The following ATF7IP2 variants were observed in gnomAD, a reference collection of about 807,000 sequenced individuals.
The protein encoded by ATF7IP2 is activating transcription factor 7-interacting protein 2.
In ATF7IP2, 42 loss-of-function variants were observed where a neutral mutation model predicts 64.2. The observed-to-expected ratio is 0.65, with a 90% CI of 0.51 to 0.85. ATF7IP2 has a LOEUF of 0.85. ATF7IP2 is among the 40% of genes least tolerant of loss of function. The pLI is 0.00. For synonymous variants in ATF7IP2, 308 were observed against 272.8 expected (o/e 1.13, Z -1.27); for missense variants, 933 against 784.2 (o/e 1.19, Z -2.27).
chr16:10,389,433 C>G (rs367637480), intron 1 of ATF7IP2, among the ~76,000 whole-genome samples: 7 of 152,156 alleles, frequency 4.6e-5, no homozygotes, highest in African/African-American at 1.4e-4. Context: ...TATAGGAAAT[C>G]TAGCTAATTA....
intron 1 of ATF7IP2, among the ~76,000 whole-genome samples, chr16:10,414,160 A>G (rs1425701448): frequency 6.6e-6 from 1 of 152,126 alleles, no homozygotes; most frequent in Admixed American, 6.6e-5. Flanking sequence ...TTCCTTGACT[A>G]TTCTCCCAAA....
chr16:10,409,457 T>C (rs2047707479), intron 1 of ATF7IP2, among the ~76,000 whole-genome samples: 1 of 151,854 alleles, frequency 6.6e-6, no homozygotes, highest in Non-Finnish European at 1.5e-5. Context: ...CTTCTAGAAT[T>C]TTTATAGTTT....
intron 3 of ATF7IP2, among the ~76,000 whole-genome samples, chr16:10,419,855 C>G (rs2141838948): frequency 6.6e-6 from 1 of 152,294 alleles, no homozygotes; most frequent in East Asian, 1.9e-4. Context: ...TACCTGTTTC[C>G]CAATTTTTGT....
chr16:10,389,872 C>T (rs2047287377), intron 1 of ATF7IP2, among the ~76,000 whole-genome samples: 1 of 152,220 alleles, frequency 6.6e-6, no homozygotes, highest in African/African-American at 2.4e-5. Context: ...ATGAGATTAA[C>T]TGCCACCTGG....
At chr16:10,392,759 CAGG>C (rs771540305) in intron 1 of ATF7IP2, among the ~76,000 whole-genome samples, 12 of 150,522 alleles carry the variant, frequency 8.0e-5, no homozygotes, top group Admixed American at 4.6e-4. Flanking sequence ...GAGGCCAATG[CAGG>C]AGGATTTCTT....
rs144458887 is a variant in ATF7IP2, at chr16:10,460,412, C to T, written c.1352+2883C>T. Among the ~76,000 whole-genome samples, 389 of 152,176 alleles carry T rather than the reference C, an allele frequency of 2.6e-3. No homozygotes were observed. In the Middle Eastern group the frequency reaches 0.027, roughly 11 times the overall value. On this transcript the variant is annotated intron_variant, in intron 9 of 13. Transcript: ENST00000562102. ...TGCAATGGGTTCAGAGGTCAAGATA[C>T]TCTTTAATTAGTGAAACAAAATGGA...
intron 3 of ATF7IP2, among the ~76,000 whole-genome samples, chr16:10,421,875 A>G (rs751485590): frequency 1.3e-4 from 20 of 152,254 alleles, no homozygotes; most frequent in Non-Finnish European, 2.4e-4. Flanking sequence ...TGTTTACCGC[A>G]GGAATTGTAA....
At position 10,438,198 on chromosome 16, in the gene ATF7IP2, G is replaced by A; in HGVS notation, c.1058G>A (p.Cys353Tyr). 3 of 1,602,810 alleles carry A rather than the reference G, an allele frequency of 1.9e-6. No individual in the cohort carries two copies. The highest frequency in any genetic ancestry group is 2.2e-5 in the South Asian group (2 of 88,898). Residue 353 changes from cysteine to tyrosine, a missense_variant, in exon 7 of 14, where the codon TGC (cysteine) becomes TAC (tyrosine). Physicochemically the swap from Cys to Tyr is radical, Grantham distance 194. Coordinates refer to ENST00000562102, the MANE Select transcript of ATF7IP2 (RefSeq NM_001393719.1). ...AACCAACGCATTGGGAAGACAGAGT[G>A]CAGAAATAAGCATGAAGGAATAGCT... ...ELNQRIGKTE[C>Y]RNKHEGIADK...
rs771786614 is a variant in ATF7IP2, at chr16:10,431,376, T to A, written c.756T>A (p.Asp252Glu). ...GTGCTGATGACATTTTGAAAACTGATGAGTGTAGTAGAACCAGTATTTCAA... is the reference window on the plus strand; with the variant it reads ...GTGCTGATGACATTTTGAAAACTGAAGAGTGTAGTAGAACCAGTATTTCAA... Reference protein sequence around the residue: ...NNCADDILKTDECSRTSISNC... With the variant: ...NNCADDILKTEECSRTSISNC... Residue 252 changes from aspartate to glutamate, a missense_variant, in exon 5 of 14, where the codon GAT (aspartate) becomes GAA (glutamate). Transcript: ENST00000562102. The A allele has an allele frequency of 9.3e-6, 15 of 1,614,196 alleles. No individual in the cohort carries two copies. The highest frequency in any genetic ancestry group is 1.2e-5 in the Non-Finnish European group (14 of 1,180,008).
In ATF7IP2 at chr16:10,431,441, A is replaced by G. The variant is rs1303399225; in HGVS notation, c.821A>G (p.Asp274Gly). The G allele has an allele frequency of 2.5e-6, 4 of 1,593,510 alleles. No individual in the cohort carries two copies. The African/African-American group carries it at 5.4e-5, about 21-fold the overall frequency. ...GACTCAACATGGCAGTCATCACTTG[A>G]CACTAATAACAACAGTAAGTATATA... ...SADSTWQSSL[D>G]TNNNSHYQKK... Residue 274 changes from aspartate (D) to glycine (G), a missense_variant, in exon 5 of 14, where the codon GAC (aspartate) becomes GGC (glycine). By Grantham distance (94) the Asp-to-Gly change is moderately conservative. Transcript: ENST00000562102.
chr16:10,401,576 T>A (rs1395721575), intron 1 of ATF7IP2, among the ~76,000 whole-genome samples: 1 of 152,172 alleles, frequency 6.6e-6, no homozygotes, highest in African/African-American at 2.4e-5. Flanking sequence ...TTTTGCTGTG[T>A]CCTTGCTTGG....
intron 1 of ATF7IP2, among the ~76,000 whole-genome samples, chr16:10,404,635 C>A (rs1370436805): frequency 6.6e-6 from 1 of 152,198 alleles, no homozygotes; most frequent in African/African-American, 2.4e-5. Flanking sequence ...CCTCCACCTC[C>A]AGGTTTAAGC....
intron 12 of ATF7IP2, among the ~76,000 whole-genome samples, chr16:10,479,546 A>G (rs1055084857): frequency 7.9e-5 from 12 of 152,080 alleles, no homozygotes; most frequent in Non-Finnish European, 1.6e-4. Context: ...GATATACCTA[A>G]TGCTAAATGA....
At chr16:10,450,911 A>G (rs941668025) in intron 8 of ATF7IP2, among the ~76,000 whole-genome samples, 1 of 152,086 alleles carries the variant, frequency 6.6e-6, no homozygotes, top group African/African-American at 2.4e-5. Context: ...TCACAGTGTC[A>G]ATGGTCTTTA....
intron 1 of ATF7IP2, among the ~76,000 whole-genome samples, chr16:10,393,869 T>C (rs1264491753): frequency 6.6e-6 from 1 of 152,104 alleles, no homozygotes; most frequent in Non-Finnish European, 1.5e-5. Flanking sequence ...AGTAAGACCT[T>C]GTCTCTACAA....
At chr16:10,408,019 C>G (rs1044456285) in intron 1 of ATF7IP2, among the ~76,000 whole-genome samples, 1 of 151,828 alleles carries the variant, frequency 6.6e-6, no homozygotes, top group Non-Finnish European at 1.5e-5. Flanking sequence ...TCAAGCGATT[C>G]TCCAGCCTCA....
intron 1 of ATF7IP2, among the ~76,000 whole-genome samples, chr16:10,398,002 C>A (rs2047452033): frequency 6.6e-6 from 1 of 151,846 alleles, no homozygotes; most frequent in Non-Finnish European, 1.5e-5. Flanking sequence ...GTTAGGATGA[C>A]TTATCAAAAA....
rs983733758 is a variant in ATF7IP2, at chr16:10,420,660, C to T, written c.-160+1037C>T. Among the ~76,000 whole-genome samples, 3 of 152,206 alleles carry T rather than the reference C, an allele frequency of 2.0e-5. No homozygotes were observed. The South Asian group carries it at 6.2e-4, about 31-fold the overall frequency. On this transcript the variant is annotated intron_variant, in intron 3 of 13. Coordinates refer to ENST00000562102, the MANE Select transcript of ATF7IP2 (RefSeq NM_001393719.1). ...AAATGATGTAAAAGGGTGCATTCTA[C>T]TCCTAACTGCTGTTTGCAATTGGGA...
intron 1 of ATF7IP2, among the ~76,000 whole-genome samples, chr16:10,404,271 G>C (rs2047590145): frequency 6.6e-6 from 1 of 151,978 alleles, no homozygotes; most frequent in South Asian, 2.1e-4. Flanking sequence ...TTTCCTTTTT[G>C]AGACAGAGTC....
Sources: allele counts gnomAD v4.1 joint callset (sites outside exome capture counted in the v4.1 genomes callset), GRCh38; gene constraint gnomAD v4.1.1; transcripts MANE v1.5; gene names NCBI Gene and HGNC (gene_info 2026-07-23, HGNC 2026-07-21).